The following HELZ variants were observed in gnomAD, a reference collection of about 807,000 sequenced individuals.
The protein encoded by HELZ is helicase with zinc finger, also known as ATP-dependent RNA helicase with zinc finger domain.
HELZ carries 23 observed loss-of-function variants against 218.2 expected under a neutral mutation model. The ratio of observed to expected loss-of-function variants is 0.11; its 90% CI spans 0.08 to 0.15. The LOEUF (loss-of-function observed/expected upper bound fraction) is 0.15. HELZ is among the 10% of genes least tolerant of loss of function. The pLI, the probability that HELZ is intolerant of heterozygous loss-of-function variation, is 1.00. For synonymous variants in HELZ, 814 were observed against 829.4 expected (o/e 0.98, Z 0.32); for missense variants, 1,813 against 2,353.7 (o/e 0.77, Z 4.75).
In HELZ at chr17:67,070,976, T is replaced by C. The variant is rs900080537; in HGVS notation, c.*7276A>G. The C allele has an allele frequency of 6.6e-6, 1 of 152,050 alleles. No individual in the cohort carries two copies. Among genetic ancestry groups the C allele is most frequent in the Non-Finnish European group, 1.5e-5 (1 of 67,992 alleles). 9.4% of individuals were successfully genotyped at this position (152,050 alleles called of 1,614,324 possible). The stretch of plus-strand genomic sequence containing the variant: ...CAAGTTTAGATAAGAACTATATGTA[T>C]GAAGCATTAAAAAAAAATCCTGTGT... On this transcript the variant is annotated 3_prime_UTR_variant, in exon 33 of 33. Transcript: ENST00000358691.
At chr17:67,205,302 G>T (rs2040267100) in intron 5 of HELZ, among the ~76,000 whole-genome samples, 1 of 151,804 alleles carries the variant, frequency 6.6e-6, no homozygotes, top group African/African-American at 2.4e-5. Flanking sequence ...CTCCAGCCTG[G>T]GGGACAAGAG....
intron 24 of HELZ, among the ~76,000 whole-genome samples, chr17:67,126,208 G>C (rs2037790724): frequency 6.6e-6 from 1 of 152,174 alleles, no homozygotes; most frequent in African/African-American, 2.4e-5. Flanking sequence ...ATCCATTTGT[G>C]TTGTCACTAT....
At chr17:67,143,291 C>G (rs1199040700) in intron 21 of HELZ, among the ~76,000 whole-genome samples, 1 of 152,060 alleles carries the variant, frequency 6.6e-6, no homozygotes, top group Non-Finnish European at 1.5e-5. Flanking sequence ...CTCCTCCCTT[C>G]CAACTGAATT....
chr17:67,224,496 C>G (rs2040838020), intron 3 of HELZ: 2 of 272,942 alleles, frequency 7.3e-6, no homozygotes, highest in Non-Finnish European at 1.4e-5. Flanking sequence ...GGAACCAAGA[C>G]AGTCTTAATT....
chr17:67,226,254 T>A (rs2040887439), intron 3 of HELZ, among the ~76,000 whole-genome samples: 1 of 118,942 alleles, frequency 8.4e-6, no homozygotes, highest in Non-Finnish European at 1.6e-5. Flanking sequence ...TGAGACTCCA[T>A]CTCAAAAAAA....
At chr17:67,216,839 G>A (rs1199345088) in intron 4 of HELZ, among the ~76,000 whole-genome samples, 1 of 151,966 alleles carries the variant, frequency 6.6e-6, no homozygotes, top group Non-Finnish European at 1.5e-5. Flanking sequence ...TCCTTCACGC[G>A]GCTACCAGGA....
chr17:67,218,635 A>G lies in HELZ; in HGVS notation c.170T>C (p.Ile57Thr). Residue 57 changes from isoleucine (I) to threonine (T), a missense_variant, in exon 4 of 33, where the codon ATC (isoleucine) becomes ACC (threonine). Ile to Thr is a moderately conservative substitution (Grantham distance 89). Transcript: ENST00000358691. ...GGCAATTCTGTAGAGAAGACTCTCG[A>G]TTTTGATGCGTTCTATTTCCAATGG... ...PCPLEIERIK[I>T]ESLLYRIASF... 6.2e-7 allele frequency: 1 copy of G among 1,614,190 alleles called. No individual in the cohort carries two copies. The highest frequency in any genetic ancestry group is 8.5e-7 in the Non-Finnish European group (1 of 1,180,034).
At chr17:67,213,037 T>C (rs776902634) in intron 5 of HELZ, among the ~76,000 whole-genome samples, 1 of 152,230 alleles carries the variant, frequency 6.6e-6, no homozygotes, top group Non-Finnish European at 1.5e-5. Context: ...AGTAAAACAA[T>C]TAACAGAATA....
At chr17:67,176,538 T>A (rs193277388) in intron 13 of HELZ, 2 of 152,340 alleles carry the variant, frequency 1.3e-5, no homozygotes, top group East Asian at 3.9e-4. Context: ...GCTCTCCAGA[T>A]AGATCACACA....
intron 3 of HELZ, among the ~76,000 whole-genome samples, chr17:67,234,152 A>G (rs1225880133): frequency 6.6e-6 from 1 of 151,010 alleles, no homozygotes; most frequent in Non-Finnish European, 1.5e-5. Flanking sequence ...GGAGACCCCC[A>G]TCTCTACAAA....
At position 67,188,323 on chromosome 17, in the gene HELZ, T is replaced by C; in HGVS notation, c.1158A>G (p.Thr386=). 1 of 1,606,600 alleles carries C rather than the reference T, an allele frequency of 6.2e-7. No homozygotes were observed. The highest frequency in any genetic ancestry group is 8.5e-7 in the Non-Finnish European group (1 of 1,174,556). The part of the protein sequence containing the change: ...MQRVMIDAAS[T]EDLEYLMHAK... ...GGAAAAAAGTCTAAATATTACCTTCTGTAGAAGCTGCATCAATCATTACTC... is the reference window on the plus strand; with the variant it reads ...GGAAAAAAGTCTAAATATTACCTTCCGTAGAAGCTGCATCAATCATTACTC... The change falls in exon 12 of 33, where the codon ACA becomes ACG. Residue 386 remains threonine (T), a synonymous_variant. Transcript: ENST00000358691. The surrounding 1 kb of genome is among the most constrained non-coding windows in gnomAD (Gnocchi z 4.1).
At chr17:67,099,130 T>C (rs1433408502) in intron 31 of HELZ, among the ~76,000 whole-genome samples, 1 of 152,228 alleles carries the variant, frequency 6.6e-6, no homozygotes, top group Non-Finnish European at 1.5e-5. Context: ...TCATTTCTTA[T>C]TTATTCTTGT....
At chr17:67,098,856 T>C (rs1443683740) in intron 31 of HELZ, among the ~76,000 whole-genome samples, 2 of 152,242 alleles carry the variant, frequency 1.3e-5, no homozygotes, top group Non-Finnish European at 2.9e-5. Context: ...AGCCTATTTA[T>C]GTGATTTAAA....
At chr17:67,235,590 T>C (rs907822029) in intron 3 of HELZ, among the ~76,000 whole-genome samples, 1 of 151,052 alleles carries the variant, frequency 6.6e-6, no homozygotes, top group Non-Finnish European at 1.5e-5. Flanking sequence ...ACCCAGCACA[T>C]GCCATCACAA....
intron 23 of HELZ, 131 bp downstream of exon 23, chr17:67,135,839 T>A: frequency 1.5e-6 from 1 of 671,810 alleles, no homozygotes; most frequent in Non-Finnish European, 2.5e-6. Context: ...TGCTTTTGTG[T>A]TCCCACTGGA....
At chr17:67,117,581 G>A (rs536266457) in intron 27 of HELZ, among the ~76,000 whole-genome samples, 49 of 142,928 alleles carry the variant, frequency 3.4e-4, no homozygotes, top group Non-Finnish European at 5.9e-4. Context: ...ACAGAGTCTT[G>A]CTCTGTCACC....
intron 5 of HELZ, 29 bp from the exon 6 acceptor site, chr17:67,203,472 C>T (rs2040220304): frequency 6.2e-7 from 1 of 1,608,614 alleles, no homozygotes; most frequent in Non-Finnish European, 8.5e-7. Flanking sequence ...CATCATTAAC[C>T]ATATGACATT....
chr17:67,157,214 T>A (rs75168259), intron 17 of HELZ, among the ~76,000 whole-genome samples: 1 of 152,158 alleles, frequency 6.6e-6, no homozygotes, highest in Admixed American at 6.5e-5. Context: ...AATTATCCAG[T>A]CTCAGGTATT....
chr17:67,110,712 A>G (rs2037256163), intron 28 of HELZ, among the ~76,000 whole-genome samples: 2 of 152,192 alleles, frequency 1.3e-5, no homozygotes, highest in Admixed American at 6.5e-5. Flanking sequence ...CTTGGAACAC[A>G]GTCACACTCA....
Sources: gnomAD v4.1 joint callset for allele counts (sites outside exome capture counted in the v4.1 genomes callset) on GRCh38, gnomAD v4.1.1 for gene constraint, Gnocchi (gnomAD v3.1) non-coding constraint, MANE v1.5 for transcripts, NCBI Gene and HGNC (gene_info 2026-07-23, HGNC 2026-07-21) for gene names.